Variants in LINGO1 observed in about 807,000 individuals in gnomAD.
LINGO1 encodes the protein leucine-rich repeat and immunoglobulin-like domain-containing nogo receptor-interacting protein 1.
A neutral mutation model predicts 37.3 loss-of-function variants in LINGO1; 11 were observed. The observed-to-expected ratio is 0.29, with a 90% CI of 0.19 to 0.49. LINGO1 has a LOEUF of 0.49. LINGO1 is among the 20% of genes least tolerant of loss of function. LINGO1 has a pLI of 0.99. For synonymous variants in LINGO1, 387 were observed against 403.0 expected (o/e 0.96, Z 0.48); for missense variants, 585 against 878.2 (o/e 0.67, Z 4.22).
chr15:77,675,965 CATGCCTGTCTCTCAGCTCT>C (rs1417027065), intron 3 of LINGO1, among the ~76,000 whole-genome samples: 1 of 152,200 alleles, frequency 6.6e-6, no homozygotes, highest in Non-Finnish European at 1.5e-5. Flanking sequence ...TTCACAGCTC[CATGCCTGTCTCTCAGCTCT>C]GTTCACAGGC....
intron 2 of LINGO1, among the ~76,000 whole-genome samples, chr15:77,792,384 A>T (rs928439717): frequency 6.6e-6 from 1 of 151,838 alleles, no homozygotes; most frequent in Non-Finnish European, 1.5e-5. Context: ...CCCACCCTAC[A>T]GTCCTTTCTC....
At chr15:77,809,585 C>T (rs2076986704) in intron 1 of LINGO1, among the ~76,000 whole-genome samples, 1 of 152,198 alleles carries the variant, frequency 6.6e-6, no homozygotes, top group African/African-American at 2.4e-5. Context: ...GGTGCCCTCC[C>T]CCAACCCCCA....
chr15:77,732,423 G>C (rs1402393765), intron 2 of LINGO1, among the ~76,000 whole-genome samples: 1 of 152,258 alleles, frequency 6.6e-6, no homozygotes, highest in Non-Finnish European at 1.5e-5. Flanking sequence ...TCCCGTTTTA[G>C]AAATGAAGGT....
At chr15:77,673,058 G>A (rs2075276955) in intron 3 of LINGO1, among the ~76,000 whole-genome samples, 1 of 152,202 alleles carries the variant, frequency 6.6e-6, no homozygotes, top group South Asian at 2.1e-4. Context: ...CGAAACAACT[G>A]CAAGTCATTT....
intron 1 of LINGO1, among the ~76,000 whole-genome samples, chr15:77,737,862 G>GGA (rs553526220): frequency 7.1e-4 from 107 of 151,690 alleles, no homozygotes; most frequent in African/African-American, 2.5e-3. Flanking sequence ...GGGCTCACCA[G>GGA]GACATCCTCT....
intron 1 of LINGO1, among the ~76,000 whole-genome samples, chr15:77,776,488 A>AGGAAGGCAGGAAGGGAGGAAG (rs1567577582): frequency 1.1e-5 from 1 of 90,636 alleles, no homozygotes; most frequent in African/African-American, 5.0e-5. Context: ...AAGGCAGGAA[A>AGGAAGGCAGGAAGGGAGGAAG]GCAGGAAGGC....
Position 77,615,874 on chromosome 15 carries a change from GC to G in LINGO1, c.32del (p.Gly11AlafsTer2). 2 of 1,470,412 alleles carry G rather than the reference GC, an allele frequency of 1.4e-6. No individual in the cohort carries two copies. The highest frequency in any genetic ancestry group is 1.4e-5 in the South Asian group (1 of 71,908). The allele number at this position is 1,470,412 out of a possible 1,614,324, so 91.1% of individuals were successfully genotyped here. MQVSKRMLAG[G>X]VRSMPSPLLA... ...GGAGGGGGCTGGGCATGCTCCTCACGCCCCCCGCCAGCATCCTCTTGCTCAC... is the reference window on the plus strand; with the variant it reads ...GGAGGGGGCTGGGCATGCTCCTCACGCCCCCGCCAGCATCCTCTTGCTCAC... On this transcript the variant is annotated frameshift_variant, in exon 2 of 2. Transcript: ENST00000355300. LOFTEE classifies it high-confidence loss of function.
chr15:77,664,166 T>TGCGCGC (rs1225533245), intron 3 of LINGO1, among the ~76,000 whole-genome samples: 111 of 123,030 alleles, frequency 9.0e-4, no homozygotes, highest in African/African-American at 4.5e-3. Flanking sequence ...TGTGTGTGTG[T>TGCGCGC]GTGTGCGCGC....
intron 1 of LINGO1, among the ~76,000 whole-genome samples, chr15:77,740,892 AT>A (rs1363968077): frequency 6.6e-6 from 1 of 152,200 alleles, no homozygotes; most frequent in African/African-American, 2.4e-5. Flanking sequence ...CTGCCGAGCT[AT>A]GCGGCCCGGC....
At chr15:77,802,113 CAG>C (rs748302742) in intron 1 of LINGO1, among the ~76,000 whole-genome samples, 4 of 152,038 alleles carry the variant, frequency 2.6e-5, no homozygotes, top group East Asian at 1.9e-4. Context: ...CCTATATGTA[CAG>C]AGAGTGGGGG....
At chr15:77,818,777 A>G (rs1326744003) in intron 1 of LINGO1, among the ~76,000 whole-genome samples, 1 of 151,854 alleles carries the variant, frequency 6.6e-6, no homozygotes, top group Non-Finnish European at 1.5e-5. Context: ...TGGCGCCCGG[A>G]GCGGCTCCAG....
chr15:77,684,825 A>G (rs1295413253), intron 2 of LINGO1, among the ~76,000 whole-genome samples: 1 of 152,170 alleles, frequency 6.6e-6, no homozygotes. Context: ...CTGGCCCAGG[A>G]AGCTAGGGCA....
chr15:77,731,570 C>T (rs972878673), intron 2 of LINGO1, among the ~76,000 whole-genome samples: 1 of 152,260 alleles, frequency 6.6e-6, no homozygotes, highest in African/African-American at 2.4e-5. Flanking sequence ...CCCTCTCCTG[C>T]GTGAGAACCA....
At chr15:77,706,575 A>T (rs1197420630) in intron 2 of LINGO1, among the ~76,000 whole-genome samples, 1 of 152,076 alleles carries the variant, frequency 6.6e-6, no homozygotes, top group Non-Finnish European at 1.5e-5. Context: ...CCAGCTCCTG[A>T]ACACACCAAG....
chr15:77,734,327 A>AT (rs964715703), intron 2 of LINGO1, among the ~76,000 whole-genome samples: 26 of 150,456 alleles, frequency 1.7e-4, no homozygotes, highest in East Asian at 1.6e-3. Flanking sequence ...AGAGCATGGA[A>AT]TTTTTTTTTT....
At chr15:77,682,302 G>A (rs532915165) in intron 2 of LINGO1, among the ~76,000 whole-genome samples, 2 of 151,826 alleles carry the variant, frequency 1.3e-5, no homozygotes, top group Non-Finnish European at 2.9e-5. Flanking sequence ...GTGTGTGTGT[G>A]TGTGTGTGTG....
chr15:77,785,175 G>A (rs1267030697), intron 1 of LINGO1: 1 of 152,330 alleles, frequency 6.6e-6, no homozygotes, highest in East Asian at 1.9e-4. Flanking sequence ...TCTGACTCAG[G>A]GCCTGGCACA....
At chr15:77,666,084 C>G (rs1313532970) in intron 3 of LINGO1, among the ~76,000 whole-genome samples, 1 of 152,236 alleles carries the variant, frequency 6.6e-6, no homozygotes, top group African/African-American at 2.4e-5. Context: ...TGGCTCAGAG[C>G]ACACAGCATC....
intron 3 of LINGO1, among the ~76,000 whole-genome samples, chr15:77,641,551 T>C (rs2074506533): frequency 6.6e-6 from 1 of 152,214 alleles, no homozygotes; most frequent in African/African-American, 2.4e-5. Flanking sequence ...ATAAACAGCT[T>C]GTTAGCTAAG....
Sources: allele counts gnomAD v4.1 joint callset (sites outside exome capture counted in the v4.1 genomes callset), GRCh38; gene constraint gnomAD v4.1.1; transcripts MANE v1.5; gene names NCBI Gene and HGNC (gene_info 2026-07-23, HGNC 2026-07-21).